ULK4: variants seen among roughly 807,000 people sequenced by gnomAD.
ULK4 encodes inactive serine/threonine-protein kinase ULK4.
A neutral mutation model predicts 160.6 loss-of-function variants in ULK4; 133 were observed. The observed-to-expected ratio is 0.83, with a 90% confidence interval of 0.72 to 0.96. The LOEUF (loss-of-function observed/expected upper bound fraction) is 0.96. Ranked by LOEUF, ULK4 falls within the 40% of genes least tolerant of loss-of-function variation. ULK4 has a pLI of 0.00. For missense variants in ULK4, 1,580 were observed against 1,499.5 expected, an observed-to-expected ratio of 1.05 and a Z score of -0.89; for synonymous variants, 534 against 539.8, an observed-to-expected ratio of 0.99 and a Z score of 0.15.
At chr3:41,265,377 C>T (rs1026652966) in intron 35 of ULK4, among the ~76,000 whole-genome samples, 1 of 152,240 alleles carries the variant, frequency 6.6e-6, no homozygotes, top group African/African-American at 2.4e-5. Flanking sequence ...CTGGAAACAG[C>T]TGGTAGGGCC....
chr3:41,890,701 G>A (rs1697897658), intron 16 of ULK4, among the ~76,000 whole-genome samples: 1 of 121,052 alleles, frequency 8.3e-6, no homozygotes, highest in African/African-American at 3.1e-5. Flanking sequence ...AAGAAAAGAA[G>A]GGAAGGAAGG....
At chr3:41,368,125 G>T (rs1348330721) in intron 35 of ULK4, among the ~76,000 whole-genome samples, 1 of 151,090 alleles carries the variant, frequency 6.6e-6, no homozygotes, top group East Asian at 1.9e-4. Flanking sequence ...TCGGTTCACT[G>T]CAACCTCTGC....
At chr3:41,331,791 T>C (rs1470366829) in intron 35 of ULK4, among the ~76,000 whole-genome samples, 1 of 152,182 alleles carries the variant, frequency 6.6e-6, no homozygotes, top group African/African-American at 2.4e-5. Flanking sequence ...TCCCTGAAAA[T>C]TCAATTAGTC....
chr3:41,565,035 T>G (rs538774897), intron 32 of ULK4, among the ~76,000 whole-genome samples: 1 of 152,346 alleles, frequency 6.6e-6, no homozygotes, highest in African/African-American at 2.4e-5. Context: ...CTTACACCTC[T>G]GTGTTAAAAG....
intron 31 of ULK4, among the ~76,000 whole-genome samples, chr3:41,592,891 T>A (rs940726604): frequency 6.6e-6 from 1 of 152,284 alleles, no homozygotes; most frequent in Non-Finnish European, 1.5e-5. Flanking sequence ...TGTGTTCTCT[T>A]AATGTCGATT....
chr3:41,601,844 T>G (rs1433132567), intron 31 of ULK4, among the ~76,000 whole-genome samples: 1 of 152,112 alleles, frequency 6.6e-6, no homozygotes, highest in Non-Finnish European at 1.5e-5. Context: ...GATGACTAAG[T>G]ATAATGTGGT....
chr3:41,249,614 C>G, intron 35 of ULK4, 40 bp from the exon 36 acceptor site: 1 of 1,592,538 alleles, frequency 6.3e-7, no homozygotes, highest in Non-Finnish European at 8.6e-7. Context: ...TCAGCTGACC[C>G]GTCCCTGACT....
At chr3:41,359,828 A>C (rs546107709) in intron 35 of ULK4, among the ~76,000 whole-genome samples, 1 of 152,364 alleles carries the variant, frequency 6.6e-6, no homozygotes, top group South Asian at 2.1e-4. Context: ...AAACCCTAGA[A>C]GAAAATCTAG....
At chr3:41,843,847 G>A (rs56036624) in intron 17 of ULK4, among the ~76,000 whole-genome samples, 27,652 of 151,884 alleles carry the variant, frequency 0.18, 2,594 homozygotes, top group Middle Eastern at 0.32. Flanking sequence ...GTCTGTTTTG[G>A]CAGGGCACTG....
chr3:41,597,908 C>A (rs2031800644), intron 31 of ULK4, among the ~76,000 whole-genome samples: 1 of 152,154 alleles, frequency 6.6e-6, no homozygotes, highest in African/African-American at 2.4e-5. Context: ...AACCAAACTC[C>A]TAAGCATAGC....
intron 34 of ULK4, among the ~76,000 whole-genome samples, chr3:41,441,759 T>G (rs539954208): frequency 5.3e-5 from 8 of 152,240 alleles, no homozygotes; most frequent in Admixed American, 4.6e-4. Flanking sequence ...TTTTCTTTCA[T>G]CTCTTCTATC....
intron 18 of ULK4, among the ~76,000 whole-genome samples, chr3:41,833,877 G>C (rs9849393): frequency 0.18 from 27,688 of 151,716 alleles, 2,607 homozygotes; most frequent in Middle Eastern, 0.32. Context: ...TCACCCCGGC[G>C]AGAACTTCCA....
intron 19 of ULK4, among the ~76,000 whole-genome samples, chr3:41,817,665 T>C (rs1434708848): frequency 1.3e-5 from 2 of 152,112 alleles, no homozygotes; most frequent in Non-Finnish European, 2.9e-5. Flanking sequence ...AACTACCTAC[T>C]GGATACTATG....
chr3:41,566,904 A>G (rs2087800687), intron 31 of ULK4, among the ~76,000 whole-genome samples: 1 of 152,208 alleles, frequency 6.6e-6, no homozygotes, highest in South Asian at 2.1e-4. Context: ...TGGAACTAGG[A>G]TGAGGCAAGA....
At chr3:41,794,988 G>A (rs555495566) in intron 20 of ULK4, among the ~76,000 whole-genome samples, 45 of 152,310 alleles carry the variant, frequency 3.0e-4, no homozygotes, top group African/African-American at 1.0e-3. Flanking sequence ...AAAGAGGTAG[G>A]CAAGGGCCAA....
intron 35 of ULK4, among the ~76,000 whole-genome samples, chr3:41,359,004 T>C (rs552849224): frequency 6.6e-6 from 1 of 152,080 alleles, no homozygotes; most frequent in South Asian, 2.1e-4. Flanking sequence ...ACAAAATGGG[T>C]TGGTAAACGG....
chr3:41,395,270 G>A lies in ULK4; in HGVS notation c.3678+2809C>T, dbSNP rs559322036. Among the ~76,000 whole-genome samples the A allele has an allele frequency of 7.7e-4, 116 of 151,474 alleles. 1 individual carries two copies. Among genetic ancestry groups the A allele is most frequent in the Middle Eastern group, 3.5e-3 (1 of 286 alleles). Reference sequence around the variant, plus strand: ...AAGCCATTCCCATTAGCCAAATCTGGGGCAGCCGTGGATTGTAACTCACTG... The same window carrying A: ...AAGCCATTCCCATTAGCCAAATCTGAGGCAGCCGTGGATTGTAACTCACTG... On this transcript the variant is annotated intron_variant, in intron 35 of 36. Transcript: ENST00000301831.
chr3:41,708,253 T>C (rs1354075503), intron 25 of ULK4, among the ~76,000 whole-genome samples: 1 of 152,188 alleles, frequency 6.6e-6, no homozygotes, highest in African/African-American at 2.4e-5. Flanking sequence ...TCACTGCAGC[T>C]TTCTTCACAA....
chr3:41,331,219 G>GAA (rs2080436565), intron 35 of ULK4, among the ~76,000 whole-genome samples: 1 of 152,074 alleles, frequency 6.6e-6, no homozygotes, highest in Non-Finnish European at 1.5e-5. Context: ...TGTCCAGCTG[G>GAA]GGGCAGGGAG....
Sources: allele counts gnomAD v4.1 joint callset (sites outside exome capture counted in the v4.1 genomes callset), GRCh38; gene constraint gnomAD v4.1.1; transcripts MANE v1.5; gene names NCBI Gene and HGNC (gene_info 2026-07-23, HGNC 2026-07-21).